CLCNKA: variants seen among roughly 807,000 people sequenced by gnomAD.
CLCNKA encodes the protein chloride voltage-gated channel Ka, also known as chloride channel protein ClC-Ka.
Under a neutral mutation model 83.3 loss-of-function variants are expected in CLCNKA, and 66 were observed. The ratio of observed to expected loss-of-function variants is 0.79; its 90% CI spans 0.65 to 0.97. The LOEUF (loss-of-function observed/expected upper bound fraction) is 0.97, where lower values mean the gene tolerates loss of function less well. CLCNKA is among the 50% of genes least tolerant of loss of function. The probability of loss-of-function intolerance (pLI) is 0.00; values close to 1 mark genes in which losing one functional copy is unlikely to be tolerated. For synonymous variants in CLCNKA, 357 were observed against 370.4 expected, an observed-to-expected ratio of 0.96 and a Z score of 0.42; for missense variants, 806 against 888.7, an observed-to-expected ratio of 0.91 and a Z score of 1.18.
chr1:16,026,368 C>T (rs2022346947), intron 5 of CLCNKA, 121 bp downstream of exon 5: 1 of 1,484,098 alleles, frequency 6.7e-7, no homozygotes, highest in Non-Finnish European at 9.3e-7. Flanking sequence ...CTTCAGGGAG[C>T]TCAGTCTTAG....
At position 16,027,347 on chromosome 1, in the gene CLCNKA, C is replaced by T. The variant is rs537787577; in HGVS notation, c.693C>T (p.Phe231=). The change falls in exon 8 of 20, where the codon TTC becomes TTT. Residue 231 remains phenylalanine (F), a synonymous_variant. Coordinates refer to ENST00000331433, the MANE Select transcript of CLCNKA (RefSeq NM_004070.4). ...GCATCGAGGTCATGTCTTCCCACTT[C>T]TCTGTCCGGGATTACTGGAGGGGCT... ...LFSIEVMSSH[F]SVRDYWRGFF... 38 of 1,613,640 alleles carry T rather than the reference C, an allele frequency of 2.4e-5. No individual in the cohort carries two copies. Among genetic ancestry groups the T allele is most frequent in the South Asian group, 9.9e-5 (9 of 91,064 alleles).
Position 16,022,530 on chromosome 1 carries a change from G to C in CLCNKA, c.-7-83G>C. On this transcript the variant is annotated intron_variant, in intron 1 of 19. Coordinates refer to ENST00000331433, the MANE Select transcript of CLCNKA (RefSeq NM_004070.4). ...CACAATCCTTCCTCTTCATTTGGGT[G>C]GGGAGAGCACTGGAAGGGCCCAGAG... is the stretch of plus-strand genomic sequence containing the variant. The C allele has an allele frequency of 3.2e-6, 3 of 930,378 alleles. No homozygotes were observed. In the South Asian group the frequency reaches 4.9e-5, roughly 15 times the overall value. The allele number at this position is 930,378 out of a possible 1,614,324, so 57.6% of individuals were successfully genotyped here. A position where few individuals can be genotyped will look rare whatever the true frequency, so the allele number is the denominator to read the frequency against.
intron 10 of CLCNKA, among the ~76,000 whole-genome samples, 182 bp downstream of exon 10, chr1:16,028,301 G>A (rs61772361): frequency 1.3e-4 from 17 of 130,962 alleles, no homozygotes; most frequent in Non-Finnish European, 2.1e-4. Context: ...ACTGGGCTAC[G>A]AACCCCACAT....
Position 16,028,929 on chromosome 1 carries a change from C to G in CLCNKA, c.1053+84C>G, listed in dbSNP as rs1485208552. The G allele has an allele frequency of 2.8e-5, 43 of 1,546,826 alleles. No individual in the cohort carries two copies. In the East Asian group the frequency reaches 8.3e-4, roughly 30 times the overall value. On this transcript the variant is annotated intron_variant, in intron 11 of 19. Coordinates refer to ENST00000331433, the MANE Select transcript of CLCNKA (RefSeq NM_004070.4). Reference sequence around the variant, plus strand: ...CATGTGTCTCACGTAATACCCTCAGCACCCCACCAGGGTGACACCTGGGCA... The same window carrying G: ...CATGTGTCTCACGTAATACCCTCAGGACCCCACCAGGGTGACACCTGGGCA...
In CLCNKA at chr1:16,024,138, T is replaced by G. The variant is rs79241444; in HGVS notation, c.229+210T>G. On this transcript the variant is annotated intron_variant, in intron 3 of 19. Transcript: ENST00000331433. ...CTCAGCCGCACAAGGAAGAGAGACC[T>G]GAATATTCCCAAGAGCCCTTCCTCC... Among the ~76,000 whole-genome samples, 1,460 of 152,326 alleles carry G rather than the reference T, an allele frequency of 9.6e-3. 23 individuals carry two copies. Among genetic ancestry groups the G allele is most frequent in the African/African-American group, 0.033 (1,381 of 41,562 alleles).
Position 16,026,207 on chromosome 1 carries a change from GCACCCTGGC to G in CLCNKA, c.463_471del (p.Leu155_Thr157del). ...GGGGCCAAGGTGGTGGGCCTCTCCT[GCACCCTGGC>G]CACCGGCAGCACCCTGTTCCTGGGC... On this transcript the variant is annotated inframe_deletion, in exon 5 of 20. Transcript: ENST00000331433. 6.2e-7 allele frequency: 1 copy of G among 1,613,908 alleles called. No homozygotes were observed. The highest frequency in any genetic ancestry group is 8.5e-7 in the Non-Finnish European group (1 of 1,180,020).
Position 16,031,192 on chromosome 1 carries a change from C to G in CLCNKA, c.1622+518C>G, listed in dbSNP as rs555841787. Among the ~76,000 whole-genome samples the G allele has an allele frequency of 2.6e-3, 390 of 152,348 alleles. 1 individual carries two copies. The highest frequency in any genetic ancestry group is 9.0e-3 in the African/African-American group (375 of 41,574). ...GAGAGTCCGAATCGGAGGCCCCGCT[C>G]CAAACACAAACAAGCTGCTGCCTTG... On this transcript the variant is annotated intron_variant, in intron 15 of 19. Coordinates refer to ENST00000331433, the MANE Select transcript of CLCNKA (RefSeq NM_004070.4).
Position 16,029,121 on chromosome 1 carries a change from C to G in CLCNKA, c.1054-5C>G, listed in dbSNP as rs974713675. On this transcript the variant is annotated splice_region_variant and splice_polypyrimidine_tract_variant and intron_variant, in intron 11 of 19. Coordinates refer to ENST00000331433, the MANE Select transcript of CLCNKA (RefSeq NM_004070.4). Reference sequence around the variant, plus strand: ...CATGTCCAGTTCCCACCTGCCCCGCCACAGCTGTCCATGAAGCAGCATCTG... The same window carrying G: ...CATGTCCAGTTCCCACCTGCCCCGCGACAGCTGTCCATGAAGCAGCATCTG... 5.0e-6 allele frequency: 8 copies of G among 1,610,808 alleles called. No homozygotes were observed. Among genetic ancestry groups the G allele is most frequent in the Middle Eastern group, 2.2e-4 (1 of 4,570 alleles).
In CLCNKA at chr1:16,032,067, T is replaced by C. The variant is rs554241843; in HGVS notation, c.1757-136T>C. The C allele has an allele frequency of 1.0e-4, 120 of 1,158,834 alleles. No homozygotes were observed. The East Asian group carries it at 2.1e-3, about 20-fold the overall frequency. 71.8% of individuals were successfully genotyped at this position (1,158,834 alleles called of 1,614,324 possible). On this transcript the variant is annotated intron_variant, in intron 16 of 19. Transcript: ENST00000331433. The stretch of plus-strand genomic sequence containing the variant: ...GTTGACATGTCTAAAGAGAGTCGGC[T>C]GGGTGCTTGTAAGGCAGTCCCTGGG...
intron 15 of CLCNKA, 141 bp downstream of exon 15, chr1:16,030,815 C>A (rs2022595311): frequency 4.9e-6 from 6 of 1,219,030 alleles, no homozygotes; most frequent in Non-Finnish European, 5.8e-6. Flanking sequence ...CACAGCTGTG[C>A]TCTCATCTCC....
chr1:16,024,886 C>G lies in CLCNKA; in HGVS notation c.353C>G (p.Ser118Cys), dbSNP rs1018554608. The G allele has an allele frequency of 6.2e-7, 1 of 1,614,044 alleles. No homozygotes were observed. The highest frequency in any genetic ancestry group is 1.3e-5 in the African/African-American group (1 of 74,956). The change falls in exon 4 of 20, where the codon TCT becomes TGT. Residue 118 changes from serine (S) to cysteine (C), a missense_variant. Coordinates refer to ENST00000331433, the MANE Select transcript of CLCNKA (RefSeq NM_004070.4). Reference protein sequence around the residue: ...SGFSQSITPSSGGSGIPELKT... With the variant: ...SGFSQSITPSCGGSGIPELKT... ...TTCTCCCAGAGCATCACGCCCTCCT[C>G]TGGAGGTGAGTCCACGGTCGCCATG...
chr1:16,030,788 G>T (rs1298860242), intron 15 of CLCNKA, 114 bp downstream of exon 15: 32 of 1,373,082 alleles, frequency 2.3e-5, no homozygotes, highest in Non-Finnish European at 3.0e-5. Context: ...CGACATGGGG[G>T]CTGGGAGGGG....
At chr1:16,026,276 CA>C in intron 5 of CLCNKA, 29 bp downstream of exon 5, 1 of 1,611,706 alleles carries the variant, frequency 6.2e-7, no homozygotes, top group Non-Finnish European at 8.5e-7. Flanking sequence ...GCACCCCAGC[CA>C]CCCCGCCCAC....
At chr1:16,028,685 G>T (rs2022484236) in intron 10 of CLCNKA, 76 bp from the exon 11 acceptor site, 1 of 1,563,524 alleles carries the variant, frequency 6.4e-7, no homozygotes, top group Non-Finnish European at 8.8e-7. Context: ...GCTGCTGCCT[G>T]GACCAGGTCC....
intron 4 of CLCNKA, 122 bp downstream of exon 4, chr1:16,025,013 C>T: frequency 7.3e-7 from 1 of 1,377,336 alleles, no homozygotes; most frequent in Non-Finnish European, 1.0e-6. Flanking sequence ...AGTTATGTGG[C>T]TTGCCTGAAG....
chr1:16,022,977 A>T (rs551773071), intron 2 of CLCNKA, among the ~76,000 whole-genome samples: 19 of 152,304 alleles, frequency 1.2e-4, no homozygotes, highest in African/African-American at 4.6e-4. Flanking sequence ...TCTTCCACCC[A>T]GGCCTCTCCC....
intron 4 of CLCNKA, 137 bp from the exon 5 acceptor site, chr1:16,025,971 G>A (rs1159704402): frequency 8.9e-7 from 1 of 1,118,642 alleles, no homozygotes; most frequent in East Asian, 2.4e-5. Flanking sequence ...GGCAAGGCTG[G>A]TCTCGAACTC....
At chr1:16,027,282 G>A (rs767849199) in intron 7 of CLCNKA, 28 bp from the exon 8 acceptor site, 8 of 1,611,914 alleles carry the variant, frequency 5.0e-6, no homozygotes, top group Middle Eastern at 2.0e-4. Flanking sequence ...GGGGGTGGGG[G>A]CCCACCTGAC....
Position 16,030,659 on chromosome 1 carries a change from T to C in CLCNKA, c.1607T>C (p.Leu536Pro). Residue 536 changes from leucine to proline, a missense_variant, in exon 15 of 20, where the codon CTG becomes CCG. By Grantham distance (98) the Leu-to-Pro change is moderately conservative. Coordinates refer to ENST00000331433, the MANE Select transcript of CLCNKA (RefSeq NM_004070.4). ...VKKLPYLPRILGRNIGSHHVR... is the reference protein window; with the variant it reads ...VKKLPYLPRIPGRNIGSHHVR... ...AAGCTGCCATACCTGCCACGGATTC[T>C]GGGCCGCAACATCGGGTGAGTGGTG... is the stretch of plus-strand genomic sequence containing the variant. 2 of 1,613,312 alleles carry C rather than the reference T, an allele frequency of 1.2e-6. No individual in the cohort carries two copies. Among genetic ancestry groups the C allele is most frequent in the Non-Finnish European group, 1.7e-6 (2 of 1,180,036 alleles).
Sources: gnomAD v4.1 joint callset for allele counts (sites outside exome capture counted in the v4.1 genomes callset) on GRCh38, gnomAD v4.1.1 for gene constraint, MANE v1.5 for transcripts, NCBI Gene and HGNC (gene_info 2026-07-23, HGNC 2026-07-21) for gene names.